Variants in ACAP3 observed in about 807,000 individuals in gnomAD.
ACAP3 encodes the protein arf-GAP with coiled-coil, ANK repeat and PH domain-containing protein 3.
A neutral mutation model predicts 104.1 loss-of-function variants in ACAP3; 56 were observed. The observed-to-expected ratio is 0.54, with a 90% confidence interval of 0.43 to 0.67. The LOEUF (loss-of-function observed/expected upper bound fraction) is 0.67. Among genes scored for constraint, ACAP3 ranks in the 30% least tolerant of loss-of-function variants. The probability of loss-of-function intolerance (pLI) is 0.00; values close to 1 mark genes in which losing one functional copy is unlikely to be tolerated. For synonymous variants in ACAP3, 628 were observed against 496.2 expected (o/e 1.27, Z -3.53); for missense variants, 1,208 against 1,174.9 (o/e 1.03, Z -0.41).
chr1:1,294,631 G>A lies in ACAP3; in HGVS notation c.1913-3C>T, dbSNP rs1641030454. The A allele has an allele frequency of 6.5e-7, 1 of 1,530,076 alleles. No individual in the cohort carries two copies. The highest frequency in any genetic ancestry group is 2.1e-5 in the Admixed American group (1 of 48,726). The allele number at this position is 1,530,076 out of a possible 1,614,324, so 94.8% of individuals were successfully genotyped here. ...GGACTCCTCCGACTCTGCACCCTCT[G>A]TGGGGAGGGGGCGGTCAGGGAAAGC... On this transcript the variant is annotated splice_region_variant and splice_polypyrimidine_tract_variant and intron_variant, in intron 20 of 23. Transcript: ENST00000354700.
chr1:1,304,064 G>T, intron 2 of ACAP3, 22 bp downstream of exon 2: 3 of 1,550,394 alleles, frequency 1.9e-6, no homozygotes, highest in Non-Finnish European at 2.6e-6. Context: ...CGGGCACAGG[G>T]CGCTCCAGGC....
At position 1,303,115 on chromosome 1, in the gene ACAP3, C is replaced by G. The variant is rs1425916212; in HGVS notation, c.225+47G>C. The stretch of plus-strand genomic sequence containing the variant: ...CCCTCAAGGGGCTGCCTCCCTCGGC[C>G]TCTCCCCCAACCCCACCTTGAGGTC... On this transcript the variant is annotated intron_variant, in intron 3 of 23. Coordinates refer to ENST00000354700, the MANE Select transcript of ACAP3 (RefSeq NM_030649.3). The surrounding 1 kb of genome is among the most constrained non-coding windows in gnomAD (Gnocchi z 4.0). The G allele has an allele frequency of 1.3e-6, 2 of 1,566,178 alleles. No individual in the cohort carries two copies. Among genetic ancestry groups the G allele is most frequent in the Admixed American group, 3.8e-5 (2 of 53,032 alleles).
At chr1:1,306,815 G>A (rs796674952) in intron 1 of ACAP3, among the ~76,000 whole-genome samples, 12 of 152,376 alleles carry the variant, frequency 7.9e-5, no homozygotes, top group Admixed American at 2.6e-4. Context: ...TGGAACACGC[G>A]TGTACAAGGT....
chr1:1,296,528 C>G lies in ACAP3; in HGVS notation c.1234G>C (p.Val412Leu). The part of the protein sequence containing the change: ...GESVLQRVQS[V>L]AGNSQCGDCG... The stretch of plus-strand genomic sequence containing the variant: ...TCGCCGCACTGGCTGTTGCCGGCCA[C>G]ACTCTGCACACGCTGCAGCACACTC... Residue 412 changes from valine to leucine, a missense_variant, in exon 15 of 24, where the codon GTG becomes CTG. Transcript: ENST00000354700. 6.5e-7 allele frequency: 1 copy of G among 1,540,096 alleles called. No individual in the cohort carries two copies. Among genetic ancestry groups the G allele is most frequent in the Non-Finnish European group, 8.7e-7 (1 of 1,146,702 alleles).
intron 9 of ACAP3, 112 bp from the exon 10 acceptor site, chr1:1,299,468 C>T: frequency 1.6e-6 from 2 of 1,288,078 alleles, no homozygotes; most frequent in South Asian, 3.2e-5. Context: ...TGGACCCGTC[C>T]CCAACTCCTG....
Position 1,302,733 on chromosome 1 carries a change from T to A in ACAP3, c.279+189A>T, listed in dbSNP as rs559696939. ...CCCAGGGTCTAGTGTGGCCCTTGCCTGGGACACGGCAGAGCCCCCAGGGCT... is the reference window on the plus strand; with the variant it reads ...CCCAGGGTCTAGTGTGGCCCTTGCCAGGGACACGGCAGAGCCCCCAGGGCT... On this transcript the variant is annotated intron_variant, in intron 4 of 23. Coordinates refer to ENST00000354700, the MANE Select transcript of ACAP3 (RefSeq NM_030649.3). 1.4e-5 allele frequency among the ~76,000 whole-genome samples: 2 copies of A among 143,988 alleles called. 1 individual carries two copies. The highest frequency in any genetic ancestry group is 4.4e-4 in the South Asian group (2 of 4,524). 94.5% of individuals were successfully genotyped at this position (143,988 alleles called of 152,430 possible). A position where few individuals can be genotyped will look rare whatever the true frequency, so the allele number is the denominator to read the frequency against.
At chr1:1,294,948 C>T in intron 19 of ACAP3, 132 bp from the exon 20 acceptor site, 1 of 800,324 alleles carries the variant, frequency 1.2e-6, no homozygotes, top group South Asian at 1.8e-5. Flanking sequence ...CCACCCAGGG[C>T]CGGGGGGAGC....
Position 1,295,769 on chromosome 1 carries a change from G to A in ACAP3, c.1672C>T (p.Pro558Ser). 6.2e-7 allele frequency: 1 copy of A among 1,607,524 alleles called. No homozygotes were observed. The highest frequency in any genetic ancestry group is 8.5e-7 in the Non-Finnish European group (1 of 1,179,430). The change falls in exon 18 of 24, where the codon CCC becomes TCC. Residue 558 changes from proline (P) to serine (S), a missense_variant. Physicochemically the swap from Pro to Ser is moderately conservative, Grantham distance 74 (BLOSUM62 -1). Coordinates refer to ENST00000354700, the MANE Select transcript of ACAP3 (RefSeq NM_030649.3). ...AGAGCGGCCACACAGGGCAGAACGGGCTCAAGCCGGACCTTGCGGCGGGCA... is the reference window on the plus strand; with the variant it reads ...AGAGCGGCCACACAGGGCAGAACGGACTCAAGCCGGACCTTGCGGCGGGCA... The part of the protein sequence containing the change: ...PTARRKVRLE[P>S]VLPCVAALSS...
intron 19 of ACAP3, 26 bp from the exon 20 acceptor site, chr1:1,294,842 C>T: frequency 6.5e-6 from 10 of 1,548,280 alleles, no homozygotes; most frequent in Non-Finnish European, 7.9e-6. Flanking sequence ...GAAGGGGGTC[C>T]TGAGGGTGGG....
chr1:1,300,662 C>T lies in ACAP3; in HGVS notation c.369G>A (p.Lys123=). The part of the protein sequence containing the change: ...EDVRKFKETK[K]QFDKVREDLE... ...GGTCCTCCCGCACCTTGTCAAACTG[C>T]TTCTTTGTCTCCTTGAACTTCCGCA... is the stretch of plus-strand genomic sequence containing the variant. The change falls in exon 6 of 24, where the codon AAG becomes AAA. Residue 123 remains lysine, a synonymous_variant. Transcript: ENST00000354700. The T allele has an allele frequency of 6.2e-7, 1 of 1,609,094 alleles. No homozygotes were observed.
intron 10 of ACAP3, 77 bp from the exon 11 acceptor site, chr1:1,298,756 T>TG: frequency 8.7e-7 from 1 of 1,143,588 alleles, no homozygotes; most frequent in Non-Finnish European, 1.3e-6. Context: ...GGAGCACAGG[T>TG]GGGGGTGAGG....
At position 1,293,669 on chromosome 1, in the gene ACAP3, G is replaced by A. The variant is rs1365857041; in HGVS notation, c.2400C>T (p.Ala800=). ...LARMAEEMRE[A]EAAPGPPGAL... is the part of the protein sequence containing the mutation. ...CGCCCGGGGGACCAGGGGCAGCCTCGGCCTCGCGCATTTCCTCCGCCATGC... is the reference window on the plus strand; with the variant it reads ...CGCCCGGGGGACCAGGGGCAGCCTCAGCCTCGCGCATTTCCTCCGCCATGC... The change falls in exon 24 of 24, where the codon GCC becomes GCT. Residue 800 remains alanine (A), a synonymous_variant. Transcript: ENST00000354700. 9 of 1,457,102 alleles carry A rather than the reference G, an allele frequency of 6.2e-6. No homozygotes were observed. In the East Asian group the frequency reaches 8.7e-5, roughly 14 times the overall value. The allele number at this position is 1,457,102 out of a possible 1,614,324, so 90.3% of individuals were successfully genotyped here. A position where few individuals can be genotyped will look rare whatever the true frequency, so the allele number is the denominator to read the frequency against.
At position 1,307,843 on chromosome 1, in the gene ACAP3, C is replaced by A. The variant is rs1488450955; in HGVS notation, c.-28G>T. On this transcript the variant is annotated 5_prime_UTR_variant, in exon 1 of 24. Transcript: ENST00000354700. The stretch of plus-strand genomic sequence containing the variant: ...CTGCGGCGGCCGCGGCGCTCACTGG[C>A]ACGAGGACCGCGGCGCCGAGCGGCA... The A allele has an allele frequency of 9.7e-6, 10 of 1,033,154 alleles. No individual in the cohort carries two copies. The highest frequency in any genetic ancestry group is 1.2e-5 in the Non-Finnish European group (10 of 862,030). The allele number at this position is 1,033,154 out of a possible 1,614,324, so 64.0% of individuals were successfully genotyped here. A position where few individuals can be genotyped will look rare whatever the true frequency, so the allele number is the denominator to read the frequency against.
chr1:1,305,476 C>G (rs1557612001), intron 1 of ACAP3: 1 of 152,276 alleles, frequency 6.6e-6, no homozygotes, highest in East Asian at 1.9e-4. Context: ...CAGCTGCACC[C>G]AGAGCTGCCG....
chr1:1,299,380 G>A (rs1641346366), intron 9 of ACAP3, 24 bp from the exon 10 acceptor site: 1 of 1,538,496 alleles, frequency 6.5e-7, no homozygotes, highest in South Asian at 1.2e-5. Context: ...GCAGGAGGGG[G>A]TAGGGGGAGA....
rs1641105906 is a variant in ACAP3 at position 1,295,743 on chromosome 1, C to T, written c.1698G>A (p.Leu566=). The T allele has an allele frequency of 6.2e-7, 1 of 1,602,212 alleles. No homozygotes were observed. The highest frequency in any genetic ancestry group is 8.5e-7 in the Non-Finnish European group (1 of 1,176,604). The part of the protein sequence containing the change: ...LEPVLPCVAA[L]SSVGTLDRKF... ...CGGGGCATGGCCTCCCACCTGAGGA[C>T]AGAGCGGCCACACAGGGCAGAACGG... is the stretch of plus-strand genomic sequence containing the variant. The change falls in exon 18 of 24, where the codon CTG becomes CTA. Residue 566 remains leucine, a synonymous_variant. Transcript: ENST00000354700.
At position 1,299,940 on chromosome 1, in the gene ACAP3, C is replaced by T. The variant is rs375693087; in HGVS notation, c.663+33G>A. ...GTGGCATTAGGGAAGGTCACGGAGG[C>T]CTGGCCCAGCCCCACCCCTCCCAAA... On this transcript the variant is annotated intron_variant, in intron 8 of 23. Transcript: ENST00000354700. 13 of 1,598,342 alleles carry T rather than the reference C, an allele frequency of 8.1e-6. No homozygotes were observed. The African/African-American group carries it at 1.7e-4, about 21-fold the overall frequency.
chr1:1,298,348 C>G, intron 12 of ACAP3, 22 bp downstream of exon 12: 1 of 1,606,124 alleles, frequency 6.2e-7, no homozygotes, highest in Non-Finnish European at 8.5e-7. Flanking sequence ...ATCAGGGCCC[C>G]AGCCCCAGGC....
chr1:1,306,770 C>G (rs765915169), intron 1 of ACAP3, among the ~76,000 whole-genome samples: 51 of 152,384 alleles, frequency 3.3e-4, no homozygotes, highest in Non-Finnish European at 5.6e-4. Flanking sequence ...CAAGGAGACA[C>G]TGCACAGACA....
Sources: allele counts gnomAD v4.1 joint callset (sites outside exome capture counted in the v4.1 genomes callset), GRCh38; gene constraint gnomAD v4.1.1; non-coding constraint Gnocchi (gnomAD v3.1); transcripts MANE v1.5; gene names NCBI Gene and HGNC (gene_info 2026-07-23, HGNC 2026-07-21).